RPS6KC1: variants seen among roughly 807,000 people sequenced by gnomAD.
RPS6KC1 encodes ribosomal protein S6 kinase C1, also known as inactive ribosomal protein S6 kinase delta-1.
In RPS6KC1, 54 loss-of-function variants were observed where a neutral mutation model predicts 103.8. The observed-to-expected ratio is 0.52, with a 90% CI of 0.42 to 0.65. The LOEUF (loss-of-function observed/expected upper bound fraction) is 0.65, where lower values mean the gene tolerates loss of function less well. Among genes scored for constraint, RPS6KC1 ranks in the 30% least tolerant of loss-of-function variants. The pLI, the probability that RPS6KC1 is intolerant of heterozygous loss-of-function variation, is 0.00. For synonymous variants in RPS6KC1, 439 were observed against 438.7 expected (o/e 1.00, Z -0.01); for missense variants, 1,151 against 1,253.8 (o/e 0.92, Z 1.24).
the RPS6KC1 span, among the ~76,000 whole-genome samples, chr1:213,556,459 AGAACAAAGG>A: frequency 1.3e-5 from 2 of 152,362 alleles, no homozygotes; most frequent in South Asian, 4.1e-4. Flanking sequence ...GAGAAGTTAA[AGAACAAAGG>A]CTGTTAAGAT....
At chr1:213,403,453 C>T in the RPS6KC1 span, among the ~76,000 whole-genome samples, 3 of 152,178 alleles carry the variant, frequency 2.0e-5, no homozygotes, top group African/African-American at 4.8e-5. Context: ...TCCTCTGTTA[C>T]GAGCCTTGGC....
the RPS6KC1 span, among the ~76,000 whole-genome samples, chr1:213,753,938 C>T: frequency 6.6e-6 from 1 of 152,156 alleles, no homozygotes; most frequent in African/African-American, 2.4e-5. Flanking sequence ...TGGGAAGAAG[C>T]CTGTACTAAT....
intron 12 of RPS6KC1, among the ~76,000 whole-genome samples, chr1:213,261,068 T>C (rs2094781685): frequency 6.6e-6 from 1 of 152,200 alleles, no homozygotes; most frequent in Admixed American, 6.5e-5. Flanking sequence ...AAACTAGGTC[T>C]TCGTTCTCCT....
intron 8 of RPS6KC1, among the ~76,000 whole-genome samples, chr1:213,208,120 A>G (rs2093406865): frequency 6.6e-6 from 1 of 152,074 alleles, no homozygotes; most frequent in Admixed American, 6.6e-5. Context: ...ATATGTATCT[A>G]TCTCTGTCTC....
At chr1:213,480,352 C>A in the RPS6KC1 span, among the ~76,000 whole-genome samples, 2 of 152,024 alleles carry the variant, frequency 1.3e-5, no homozygotes, top group East Asian at 3.9e-4. Flanking sequence ...TGGTAGTGAC[C>A]TGTTGTTAAG....
chr1:213,664,192 C>CGGGGGTG, the RPS6KC1 span, among the ~76,000 whole-genome samples: 1 of 29,858 alleles, frequency 3.3e-5, no homozygotes, highest in Admixed American at 3.1e-4. Flanking sequence ...AAGAAATGAG[C>CGGGGGTG]GGGGGGGCGG....
chr1:213,534,317 C>A, the RPS6KC1 span, among the ~76,000 whole-genome samples: 352 of 152,232 alleles, frequency 2.3e-3, 2 homozygotes, highest in Middle Eastern at 3.4e-3. Context: ...TATTGAAGAT[C>A]ATAAAAGCTA....
chr1:213,450,984 G>C, the RPS6KC1 span, among the ~76,000 whole-genome samples: 1 of 151,746 alleles, frequency 6.6e-6, no homozygotes, highest in African/African-American at 2.4e-5. Context: ...AAAAAAAAAA[G>C]AAAGAAATAT....
chr1:213,357,230 G>A, the RPS6KC1 span, among the ~76,000 whole-genome samples: 44 of 152,262 alleles, frequency 2.9e-4, no homozygotes, highest in East Asian at 6.4e-3. Context: ...CTCCTCAAAG[G>A]TGGGCCCGTG....
At chr1:213,511,917 C>T in the RPS6KC1 span, among the ~76,000 whole-genome samples, 2 of 152,178 alleles carry the variant, frequency 1.3e-5, no homozygotes, top group African/African-American at 4.8e-5. Context: ...AACATAAGCT[C>T]CATAAATGGT....
chr1:213,251,432 C>T (rs112393840), intron 12 of RPS6KC1, among the ~76,000 whole-genome samples: 1,650 of 152,254 alleles, frequency 0.011, 32 homozygotes, highest in African/African-American at 0.036. Context: ...ATGTAGCACA[C>T]GCCACCTGTG....
the RPS6KC1 span, among the ~76,000 whole-genome samples, chr1:213,631,113 C>G: frequency 6.6e-6 from 1 of 152,104 alleles, no homozygotes; most frequent in Non-Finnish European, 1.5e-5. Context: ...ATCTGTCACC[C>G]CTTTCTTTGA....
At chr1:213,097,155 A>AC (rs2081536911) in intron 3 of RPS6KC1, among the ~76,000 whole-genome samples, 1 of 152,150 alleles carries the variant, frequency 6.6e-6, no homozygotes, top group Non-Finnish European at 1.5e-5. Flanking sequence ...GGAGTTCAAG[A>AC]CCAGCCTGGC....
At chr1:213,748,317 C>T in the RPS6KC1 span, among the ~76,000 whole-genome samples, 9 of 152,122 alleles carry the variant, frequency 5.9e-5, no homozygotes, top group Admixed American at 3.3e-4. Context: ...AAACAATTCA[C>T]GTTAGTGAAT....
chr1:213,708,256 T>A, the RPS6KC1 span, among the ~76,000 whole-genome samples: 2 of 152,210 alleles, frequency 1.3e-5, no homozygotes, highest in African/African-American at 2.4e-5. Flanking sequence ...GTCCTTCACA[T>A]CCCTTGTAAG....
the RPS6KC1 span, among the ~76,000 whole-genome samples, chr1:213,830,947 T>G: frequency 6.6e-6 from 1 of 152,192 alleles, no homozygotes; most frequent in Non-Finnish European, 1.5e-5. Flanking sequence ...TCTGTTGCTC[T>G]GGGCAGCTCA....
chr1:213,562,235 G>C, the RPS6KC1 span, among the ~76,000 whole-genome samples: 1 of 151,796 alleles, frequency 6.6e-6, no homozygotes, highest in African/African-American at 2.4e-5. Context: ...CAGGGCATTT[G>C]GTCTGTTTGA....
At chr1:213,052,798 T>C (rs1229464963) in intron 1 of RPS6KC1, among the ~76,000 whole-genome samples, 2 of 152,158 alleles carry the variant, frequency 1.3e-5, no homozygotes. Flanking sequence ...TGCCTCGGCC[T>C]CCCAAAGTGC....
At chr1:213,569,042 C>G in the RPS6KC1 span, among the ~76,000 whole-genome samples, 3 of 152,216 alleles carry the variant, frequency 2.0e-5, no homozygotes, top group East Asian at 1.9e-4. Context: ...CCCTTCCCCC[C>G]TCCCCAGTGT....
Sources: allele counts gnomAD v4.1 joint callset (sites outside exome capture counted in the v4.1 genomes callset), GRCh38; gene constraint gnomAD v4.1.1; transcripts MANE v1.5; gene names NCBI Gene and HGNC (gene_info 2026-07-23, HGNC 2026-07-21).